ROBO1: variants seen among roughly 807,000 people sequenced by gnomAD.
ROBO1 encodes roundabout homolog 1.
Under a neutral mutation model 195.9 loss-of-function variants are expected in ROBO1, and 149 were observed. That is an observed-to-expected ratio of 0.76 (90% CI 0.67 to 0.87). The LOEUF is 0.87. Ranked by LOEUF, ROBO1 falls within the 40% of genes least tolerant of loss-of-function variation. The pLI is 0.00. For missense variants in ROBO1, 1,933 were observed against 2,068.3 expected (o/e 0.93, Z 1.27); for synonymous variants, 816 against 733.2 (o/e 1.11, Z -1.82).
At chr3:79,474,008 AT>A (rs1938421029) in intron 2 of ROBO1, among the ~76,000 whole-genome samples, 1 of 152,238 alleles carries the variant, frequency 6.6e-6, no homozygotes, top group East Asian at 1.9e-4. Flanking sequence ...ATAGTTAAGT[AT>A]TTTTATTTTA....
intron 2 of ROBO1, among the ~76,000 whole-genome samples, chr3:79,218,836 T>G (rs1576830704): frequency 6.6e-6 from 1 of 152,062 alleles, no homozygotes; most frequent in East Asian, 1.9e-4. Flanking sequence ...GGCCCAAATC[T>G]ATTTCATTTT....
At chr3:78,945,567 A>G (rs527711234) in intron 3 of ROBO1, among the ~76,000 whole-genome samples, 83 of 152,228 alleles carry the variant, frequency 5.5e-4, no homozygotes, top group Middle Eastern at 3.4e-3. Context: ...CAAAGACGGG[A>G]AAAAAACAGG....
chr3:78,630,002 CAAAA>C (rs1559668616), intron 25 of ROBO1, among the ~76,000 whole-genome samples: 2 of 152,134 alleles, frequency 1.3e-5, no homozygotes, highest in African/African-American at 4.8e-5. Context: ...AAATGGCCCT[CAAAA>C]GAAGTGCTGA....
chr3:78,829,743 A>G (rs562460352), intron 4 of ROBO1, among the ~76,000 whole-genome samples: 12 of 152,322 alleles, frequency 7.9e-5, no homozygotes, highest in Admixed American at 7.8e-4. Flanking sequence ...CGTTGTAGAT[A>G]AGAGTTCTAA....
rs1381753864 is a variant in ROBO1, at chr3:78,618,024, G to A, written c.3893C>T (p.Pro1298Leu). ...QPDRRRQPVS[P>L]PPPPRPISPP... ...GGAGATCGGCCGTGGTGGTGGAGGA[G>A]GACTCACAGGCTGCCGTCTGTATGA... Residue 1298 changes from proline (P) to leucine (L), a missense_variant, in exon 27 of 31, where the codon CCT becomes CTT. Transcript: ENST00000464233. The A allele has an allele frequency of 6.2e-7, 1 of 1,612,468 alleles. No individual in the cohort carries two copies. Among genetic ancestry groups the A allele is most frequent in the South Asian group, 1.1e-5 (1 of 90,938 alleles).
At chr3:79,740,215 A>T (rs906026160) in intron 1 of ROBO1, among the ~76,000 whole-genome samples, 1 of 106,288 alleles carries the variant, frequency 9.4e-6, no homozygotes, top group Non-Finnish European at 1.8e-5. Context: ...ATATATATTT[A>T]TATATATAAA....
chr3:78,638,561 A>G (rs1349726296), intron 22 of ROBO1, among the ~76,000 whole-genome samples: 1 of 152,126 alleles, frequency 6.6e-6, no homozygotes, highest in African/African-American at 2.4e-5. Flanking sequence ...ATGATTAAAG[A>G]TTATTTAATT....
chr3:79,601,467 G>T (rs1332064676), intron 1 of ROBO1, among the ~76,000 whole-genome samples: 2 of 152,108 alleles, frequency 1.3e-5, no homozygotes, highest in African/African-American at 4.8e-5. Flanking sequence ...GAGGTCATGA[G>T]ATGGCAAAGG....
intron 16 of ROBO1, 134 bp downstream of exon 16, chr3:78,660,896 G>T: frequency 1.5e-6 from 1 of 684,802 alleles, no homozygotes; most frequent in Non-Finnish European, 2.3e-6. Flanking sequence ...AATACTGTTA[G>T]CAAAATGTAT....
At chr3:78,757,605 C>G in intron 4 of ROBO1, among the ~76,000 whole-genome samples, 1 of 152,200 alleles carries the variant, frequency 6.6e-6, no homozygotes, top group East Asian at 1.9e-4. Flanking sequence ...TTAAAATGAT[C>G]TCATTAAAAC....
At chr3:79,102,765 G>A (rs2079701959) in intron 3 of ROBO1, among the ~76,000 whole-genome samples, 1 of 151,818 alleles carries the variant, frequency 6.6e-6, no homozygotes. Flanking sequence ...TCCAAAGAGA[G>A]AAGCACATAA....
intron 2 of ROBO1, among the ~76,000 whole-genome samples, chr3:79,188,523 G>T (rs2081481802): frequency 6.6e-6 from 1 of 151,490 alleles, no homozygotes. Flanking sequence ...CTACTGTTTG[G>T]ATGTATACAT....
intron 3 of ROBO1, among the ~76,000 whole-genome samples, chr3:79,006,745 T>C (rs1187117865): frequency 8.3e-6 from 1 of 120,084 alleles, no homozygotes; most frequent in Non-Finnish European, 1.7e-5. Context: ...TTTCAACCCT[T>C]ACAAAATATC....
At chr3:78,681,843 A>G (rs750370968) in intron 10 of ROBO1, among the ~76,000 whole-genome samples, 9 of 152,168 alleles carry the variant, frequency 5.9e-5, no homozygotes, top group South Asian at 2.1e-4. Flanking sequence ...CGGAGCTTAC[A>G]GTGAGCTGAG....
chr3:78,860,326 A>ATATATATATATTTTTTTT (rs376853384), intron 4 of ROBO1, among the ~76,000 whole-genome samples: 1 of 93,506 alleles, frequency 1.1e-5, no homozygotes, highest in African/African-American at 4.5e-5. Flanking sequence ...ATATATATAT[A>ATATATATATATTTTTTTT]TTTTTTTTTT....
chr3:79,048,108 C>T (rs539308018), intron 3 of ROBO1, among the ~76,000 whole-genome samples: 138 of 152,206 alleles, frequency 9.1e-4, no homozygotes, highest in African/African-American at 3.2e-3. Context: ...TACCTTGCAA[C>T]CTTCCCAAGA....
intron 2 of ROBO1, among the ~76,000 whole-genome samples, chr3:79,272,707 G>A (rs1376514767): frequency 6.6e-6 from 1 of 152,054 alleles, no homozygotes; most frequent in Admixed American, 6.6e-5. Context: ...TGGTACCCAT[G>A]GAGGGAGCAT....
chr3:79,703,405 TTAATA>T (rs1576255287), intron 1 of ROBO1, among the ~76,000 whole-genome samples: 2 of 151,848 alleles, frequency 1.3e-5, no homozygotes, highest in Non-Finnish European at 1.5e-5. Flanking sequence ...CCTGAATCTC[TTAATA>T]TAATGAAAAT....
chr3:79,293,096 T>A (rs1191614009), intron 2 of ROBO1, among the ~76,000 whole-genome samples: 1 of 152,196 alleles, frequency 6.6e-6, no homozygotes, highest in East Asian at 1.9e-4. Flanking sequence ...CTTCCTGGTT[T>A]AGTCTTGGGA....
Sources: allele counts gnomAD v4.1 joint callset (sites outside exome capture counted in the v4.1 genomes callset), GRCh38; gene constraint gnomAD v4.1.1; transcripts MANE v1.5; gene names NCBI Gene and HGNC (gene_info 2026-07-23, HGNC 2026-07-21).